MPPED2: variants seen among roughly 807,000 people sequenced by gnomAD.
The protein encoded by MPPED2 is metallophosphoesterase MPPED2.
In MPPED2, 5 loss-of-function variants were observed where a neutral mutation model predicts 33.0. The ratio of observed to expected loss-of-function variants is 0.15; its 90% CI spans 0.08 to 0.32. MPPED2 has a LOEUF of 0.32. Ranked by LOEUF, MPPED2 falls within the 10% of genes least tolerant of loss-of-function variation. The pLI is 1.00. For missense variants in MPPED2, 275 were observed against 372.1 expected (o/e 0.74, Z 2.15); for synonymous variants, 136 against 141.9 (o/e 0.96, Z 0.29).
At chr11:30,505,219 C>A (rs965668104) in intron 3 of MPPED2, among the ~76,000 whole-genome samples, 1 of 152,186 alleles carries the variant, frequency 6.6e-6, no homozygotes, top group Non-Finnish European at 1.5e-5. Context: ...CTCAGCAACT[C>A]CTTATTTGTA....
downstream of MPPED2, among the ~76,000 whole-genome samples, chr11:30,406,728 G>A (rs10767841): frequency 0.31 from 46,881 of 151,860 alleles, 7,544 homozygotes; most frequent in Middle Eastern, 0.38. Context: ...GTGGTCCTGG[G>A]GCCTTCCGTG....
chr11:30,472,749 G>T (rs1161597562), intron 4 of MPPED2, among the ~76,000 whole-genome samples: 1 of 152,166 alleles, frequency 6.6e-6, no homozygotes, highest in Admixed American at 6.5e-5. Flanking sequence ...TGGTTACTCG[G>T]GGCTGGGTAA....
chr11:30,498,795 A>C (rs1952419684), intron 3 of MPPED2, among the ~76,000 whole-genome samples: 1 of 152,226 alleles, frequency 6.6e-6, no homozygotes, highest in Admixed American at 6.5e-5. Flanking sequence ...AATAAGAGGT[A>C]ATTTCAAGAA....
At chr11:30,559,149 T>C (rs1273520486) in intron 2 of MPPED2, among the ~76,000 whole-genome samples, 1 of 152,174 alleles carries the variant, frequency 6.6e-6, no homozygotes, top group Non-Finnish European at 1.5e-5. Flanking sequence ...TAATGAAAAG[T>C]ATTCCTTAGA....
intron 4 of MPPED2, among the ~76,000 whole-genome samples, chr11:30,432,267 T>A (rs1207152784): frequency 6.6e-6 from 1 of 152,170 alleles, no homozygotes; most frequent in African/African-American, 2.4e-5. Context: ...AAAGAGATGC[T>A]GATGAATTCA....
chr11:30,549,382 A>T (rs969605700), intron 2 of MPPED2, among the ~76,000 whole-genome samples: 1 of 152,194 alleles, frequency 6.6e-6, no homozygotes. Context: ...CTGTGTCAAC[A>T]TTTGCTAAAA....
At chr11:30,525,298 T>C (rs1954104758) in intron 3 of MPPED2, among the ~76,000 whole-genome samples, 1 of 152,246 alleles carries the variant, frequency 6.6e-6, no homozygotes, top group Admixed American at 6.5e-5. Context: ...AGTCTCTTCA[T>C]GTGCTAGGAC....
At chr11:30,579,329 C>G (rs1347487269) in intron 2 of MPPED2, among the ~76,000 whole-genome samples, 1 of 152,112 alleles carries the variant, frequency 6.6e-6, no homozygotes, top group East Asian at 1.9e-4. Context: ...CAACAGAGCT[C>G]TAACCTCCTT....
intron 4 of MPPED2, among the ~76,000 whole-genome samples, chr11:30,461,112 C>CTTTT (rs1217864234): frequency 5.9e-5 from 9 of 152,238 alleles, no homozygotes; most frequent in Admixed American, 1.3e-4. Flanking sequence ...AAGCCAGACA[C>CTTTT]AAAAGGGTAA....
chr11:30,407,901 A>C (rs1199663688), downstream of MPPED2, among the ~76,000 whole-genome samples: 1 of 151,864 alleles, frequency 6.6e-6, no homozygotes, highest in African/African-American at 2.4e-5. Context: ...ATAAATAAAT[A>C]AGTAAATAAA....
chr11:30,388,686 C>T (rs1947732703), exon 7 of MPPED2: 1 of 520,154 alleles, frequency 1.9e-6, no homozygotes, highest in Non-Finnish European at 3.1e-6. Context: ...CAGCAGAGCC[C>T]TCCTCCGCAG....
chr11:30,461,165 A>G (rs1161934112), intron 4 of MPPED2, among the ~76,000 whole-genome samples: 1 of 152,198 alleles, frequency 6.6e-6, no homozygotes, highest in Non-Finnish European at 1.5e-5. Flanking sequence ...TAAAATAGTC[A>G]AGTTCGTATA....
At chr11:30,467,038 T>C (rs1950739164) in intron 4 of MPPED2, among the ~76,000 whole-genome samples, 1 of 152,198 alleles carries the variant, frequency 6.6e-6, no homozygotes, top group South Asian at 2.1e-4. Flanking sequence ...GAGATATTAA[T>C]CTGTGTTTGA....
chr11:30,425,768 T>A (rs530828208), intron 4 of MPPED2, among the ~76,000 whole-genome samples: 23 of 152,230 alleles, frequency 1.5e-4, no homozygotes, highest in African/African-American at 4.8e-4. Context: ...GGAAACGCGG[T>A]GAACTTAGCA....
intron 4 of MPPED2, among the ~76,000 whole-genome samples, chr11:30,470,100 C>T (rs1478634920): frequency 2.6e-5 from 4 of 152,104 alleles, no homozygotes; most frequent in Non-Finnish European, 5.9e-5. Context: ...GATTTCAGCA[C>T]TTTCTTTTAT....
At chr11:30,550,162 T>C (rs543902524) in intron 2 of MPPED2, among the ~76,000 whole-genome samples, 1 of 152,258 alleles carries the variant, frequency 6.6e-6, no homozygotes, top group East Asian at 1.9e-4. Context: ...CGCTGTTCCG[T>C]GGAGGCAATG....
intron 4 of MPPED2, among the ~76,000 whole-genome samples, chr11:30,440,008 C>T (rs1460380608): frequency 6.6e-6 from 1 of 151,990 alleles, no homozygotes; most frequent in Non-Finnish European, 1.5e-5. Context: ...GCCCGTGGGC[C>T]AAATCTCTCT....
Position 30,399,913 on chromosome 11 carries a change from G to A in MPPED2, c.767-10957C>T, listed in dbSNP as rs150581697. On this transcript the variant is annotated intron_variant, in intron 6 of 6. Coordinates refer to the MPPED2 transcript ENST00000448418. ...ACCAGTCTGACAGCAAAGACAGACTGAAACCTCAACACTGTATTTAAAACA... is the reference window on the plus strand; with the variant it reads ...ACCAGTCTGACAGCAAAGACAGACTAAAACCTCAACACTGTATTTAAAACA... Among the ~76,000 whole-genome samples, 606 of 152,248 alleles carry A rather than the reference G, an allele frequency of 4.0e-3. 4 individuals carry two copies. The highest frequency in any genetic ancestry group is 0.012 in the African/African-American group (497 of 41,560).
chr11:30,548,471 T>C (rs978791707), intron 2 of MPPED2, among the ~76,000 whole-genome samples: 1 of 152,272 alleles, frequency 6.6e-6, no homozygotes, highest in East Asian at 1.9e-4. Context: ...TCTCCCACCT[T>C]GGTCTCCCAA....
Sources: gnomAD v4.1 joint callset for allele counts (sites outside exome capture counted in the v4.1 genomes callset) on GRCh38, gnomAD v4.1.1 for gene constraint, MANE v1.5 for transcripts, NCBI Gene and HGNC (gene_info 2026-07-23, HGNC 2026-07-21) for gene names.